EXOC4: variants seen among roughly 807,000 people sequenced by gnomAD.
EXOC4 encodes exocyst complex component 4, also known as SEC8-like 1.
EXOC4 carries 71 observed loss-of-function variants against 107.2 expected under a neutral mutation model. That is an observed-to-expected ratio of 0.66 (90% CI 0.55 to 0.81). The LOEUF is 0.81. Ranked by LOEUF, EXOC4 falls within the 30% of genes least tolerant of loss-of-function variation. The pLI is 0.00. For missense variants in EXOC4, 1,108 were observed against 1,189.6 expected (o/e 0.93, Z 1.01); for synonymous variants, 456 against 441.2 (o/e 1.03, Z -0.42).
At chr7:133,822,773 G>A (rs1232242447) in intron 11 of EXOC4, among the ~76,000 whole-genome samples, 3 of 152,124 alleles carry the variant, frequency 2.0e-5, no homozygotes, top group East Asian at 3.8e-4. Flanking sequence ...TTTGGTACTC[G>A]CTAAAGTTTA....
In EXOC4 at chr7:133,830,419, T is replaced by G. The variant is rs561850709; in HGVS notation, c.1734+12875T>G. ...GGAGGAGTACACTTTTCTTCCAGCC[T>G]TTCAAAATGTTGCTTTAGAGCCAAA... On this transcript the variant is annotated intron_variant, in intron 11 of 17. Transcript: ENST00000253861. Among the ~76,000 whole-genome samples, 13 of 152,352 alleles carry G rather than the reference T, an allele frequency of 8.5e-5. No individual in the cohort carries two copies. The South Asian group carries it at 2.7e-3, about 32-fold the overall frequency.
chr7:133,847,841 T>C (rs1046017980), intron 11 of EXOC4, among the ~76,000 whole-genome samples: 5 of 149,790 alleles, frequency 3.3e-5, no homozygotes, highest in Non-Finnish European at 5.9e-5. Context: ...CCTGAGTAGC[T>C]GGGATTACAG....
chr7:133,837,984 T>C (rs963738447), intron 11 of EXOC4, among the ~76,000 whole-genome samples: 1 of 152,192 alleles, frequency 6.6e-6, no homozygotes, highest in Admixed American at 6.5e-5. Context: ...TGACAGCATA[T>C]AGCCTGTTAC....
chr7:133,254,465 T>C (rs1398315626), intron 1 of EXOC4, among the ~76,000 whole-genome samples: 1 of 152,230 alleles, frequency 6.6e-6, no homozygotes, highest in Non-Finnish European at 1.5e-5. Context: ...ATGTTTGTTG[T>C]TTCCCATCTG....
intron 7 of EXOC4, among the ~76,000 whole-genome samples, chr7:133,469,109 C>T (rs545395760): frequency 2.6e-5 from 4 of 152,218 alleles, no homozygotes; most frequent in African/African-American, 4.8e-5. Context: ...TCACTGAATA[C>T]GTGAAGTTAG....
chr7:133,356,204 A>T, intron 5 of EXOC4, 126 bp from the exon 6 acceptor site: 3 of 950,138 alleles, frequency 3.2e-6, no homozygotes, highest in Non-Finnish European at 4.7e-6. Flanking sequence ...AATATAATTT[A>T]ATTGAAAAAT....
intron 7 of EXOC4, among the ~76,000 whole-genome samples, chr7:133,434,862 G>T (rs542574377): frequency 5.8e-4 from 88 of 152,030 alleles, no homozygotes; most frequent in Middle Eastern, 3.4e-3. Context: ...GGCTATCTTT[G>T]TTCTGATAGA....
At chr7:133,510,033 A>G (rs1430318465) in intron 9 of EXOC4, among the ~76,000 whole-genome samples, 4 of 152,232 alleles carry the variant, frequency 2.6e-5, no homozygotes, top group Non-Finnish European at 5.9e-5. Context: ...TTTACAATTC[A>G]GCAGTTTTTA....
chr7:133,861,923 G>C (rs118009624), intron 11 of EXOC4, among the ~76,000 whole-genome samples: 1 of 152,136 alleles, frequency 6.6e-6, no homozygotes, highest in African/African-American at 2.4e-5. Context: ...TAGAGGACAG[G>C]TACCTTTCAT....
intron 9 of EXOC4, among the ~76,000 whole-genome samples, chr7:133,557,896 C>G (rs1226887604): frequency 6.6e-6 from 1 of 152,152 alleles, no homozygotes; most frequent in African/African-American, 2.4e-5. Flanking sequence ...GAGGCTGAGG[C>G]AGGAGAATCA....
intron 9 of EXOC4, among the ~76,000 whole-genome samples, chr7:133,604,421 T>C (rs1029774751): frequency 2.6e-5 from 4 of 152,194 alleles, no homozygotes; most frequent in African/African-American, 7.2e-5. Flanking sequence ...CCAGCCTCAC[T>C]ACAATATGTA....
chr7:133,787,015 G>A (rs1796583022), intron 10 of EXOC4, among the ~76,000 whole-genome samples: 1 of 152,102 alleles, frequency 6.6e-6, no homozygotes, highest in African/African-American at 2.4e-5. Context: ...TATTCTTAAA[G>A]GTTTTAAGTA....
chr7:133,931,444 G>T (rs1262275940), intron 13 of EXOC4, among the ~76,000 whole-genome samples: 1 of 152,090 alleles, frequency 6.6e-6, no homozygotes, highest in Non-Finnish European at 1.5e-5. Flanking sequence ...ATTCTGAGCT[G>T]CAGTTTTATA....
chr7:134,093,369 C>T, the EXOC4 span, among the ~76,000 whole-genome samples: 1 of 152,100 alleles, frequency 6.6e-6, no homozygotes, highest in Admixed American at 6.6e-5. Context: ...AACAAGAAGA[C>T]TTAATTATTC....
chr7:133,840,127 A>C (rs1055106156), intron 11 of EXOC4, among the ~76,000 whole-genome samples: 3 of 152,218 alleles, frequency 2.0e-5, no homozygotes, highest in African/African-American at 7.2e-5. Flanking sequence ...AGGAAAAAGT[A>C]TTAACAAAGA....
intron 5 of EXOC4, among the ~76,000 whole-genome samples, chr7:133,339,019 T>C (rs544268348): frequency 1.3e-5 from 2 of 152,298 alleles, no homozygotes; most frequent in East Asian, 1.9e-4. Flanking sequence ...CCCAAAGTGC[T>C]GGGATTACAG....
chr7:133,720,768 T>C (rs1795090784), intron 10 of EXOC4, among the ~76,000 whole-genome samples: 1 of 152,114 alleles, frequency 6.6e-6, no homozygotes, highest in South Asian at 2.1e-4. Flanking sequence ...GATAGACTAT[T>C]TGGAGATGTA....
rs987680061 is a variant in EXOC4 at position 133,821,774 on chromosome 7, G to A, written c.1734+4230G>A. ...TTTTTCAATAGATAGATAGAAAAGT[G>A]CAGATATGTGTTACAGTTGGGTCTC... On this transcript the variant is annotated intron_variant, in intron 11 of 17. Coordinates refer to ENST00000253861, the MANE Select transcript of EXOC4 (RefSeq NM_021807.4). Among the ~76,000 whole-genome samples, 11 of 152,150 alleles carry A rather than the reference G, an allele frequency of 7.2e-5. No homozygotes were observed. In the East Asian group the frequency reaches 1.9e-3, roughly 27 times the overall value.
chr7:133,289,750 A>G (rs1237114273), intron 3 of EXOC4, among the ~76,000 whole-genome samples: 3 of 152,158 alleles, frequency 2.0e-5, no homozygotes, highest in Non-Finnish European at 2.9e-5. Context: ...TTGCTCCCTA[A>G]TAATCCTCTT....
Sources: allele counts gnomAD v4.1 joint callset (sites outside exome capture counted in the v4.1 genomes callset), GRCh38; gene constraint gnomAD v4.1.1; transcripts MANE v1.5; gene names NCBI Gene and HGNC (gene_info 2026-07-23, HGNC 2026-07-21).